The following RYR1 variants were observed in gnomAD, a reference collection of about 807,000 sequenced individuals.
The protein encoded by RYR1 is central core disease of muscle.
A neutral mutation model predicts 583.5 loss-of-function variants in RYR1; 342 were observed. The observed-to-expected ratio is 0.59, with a 90% CI of 0.54 to 0.64. RYR1 has a LOEUF of 0.64. Among genes scored for constraint, RYR1 ranks in the 30% least tolerant of loss-of-function variants. RYR1 has a pLI of 0.00. For synonymous variants in RYR1, 2,791 were observed against 2,822.5 expected (o/e 0.99, Z 0.35); for missense variants, 6,032 against 6,917.2 (o/e 0.87, Z 4.54).
At chr19:38,537,771 C>A in intron 83 of RYR1, 109 bp from the exon 84 acceptor site, 1 of 1,025,612 alleles carries the variant, frequency 9.8e-7, no homozygotes, top group South Asian at 1.3e-5. Flanking sequence ...CTCCCAGCAC[C>A]CCCATGCTTT....
In RYR1 at chr19:38,460,427, C is replaced by A. The variant is rs1479913270; in HGVS notation, c.2413C>A (p.Pro805Thr). The change falls in exon 20 of 106, where the codon CCT becomes ACT. Residue 805 changes from proline to threonine, a missense_variant. Pro to Thr is a conservative substitution (Grantham distance 38). This residue lies in a region of RYR1 where 2,627 missense variants were observed against 2,961.3 expected (regional missense o/e 0.89). Coordinates refer to ENST00000359596, the MANE Select transcript of RYR1 (RefSeq NM_000540.3). ...RHGEFKFLPP[P>T]GYAPCHEAVL... Reference sequence around the variant, plus strand: ...TGGTGAATTCAAGTTCCTGCCCCCACCTGGCTATGCTCCATGCCATGAGGC... The same window carrying A: ...TGGTGAATTCAAGTTCCTGCCCCCAACTGGCTATGCTCCATGCCATGAGGC... 1 of 1,614,248 alleles carries A rather than the reference C, an allele frequency of 6.2e-7. No homozygotes were observed. Among genetic ancestry groups the A allele is most frequent in the South Asian group, 1.1e-5 (1 of 91,088 alleles).
chr19:38,495,295 A>G (rs1429349117), intron 39 of RYR1, among the ~76,000 whole-genome samples: 2 of 152,156 alleles, frequency 1.3e-5, no homozygotes, highest in Non-Finnish European at 2.9e-5. Context: ...TCATTGTCAA[A>G]TAAATCTCAT....
chr19:38,502,621 ATCATGGTGGACTC>A lies in RYR1; in HGVS notation c.7731_7743del (p.Met2578CysfsTer164), dbSNP rs1270823103. On this transcript the variant is annotated frameshift_variant, in exon 48 of 106. Coordinates refer to ENST00000359596, the MANE Select transcript of RYR1 (RefSeq NM_000540.3). LOFTEE classifies it high-confidence loss of function. ...CTTTGCGGGCACAGAACACCGCGCC[ATCATGGTGGACTC>A]TATGCTGCATACCGTGTACCGCCTG... 1 of 1,612,636 alleles carries A rather than the reference ATCATGGTGGACTC, an allele frequency of 6.2e-7. No homozygotes were observed. The highest frequency in any genetic ancestry group is 8.5e-7 in the Non-Finnish European group (1 of 1,179,886).
intron 17 of RYR1, 31 bp downstream of exon 17, chr19:38,457,661 C>G: frequency 1.9e-6 from 3 of 1,609,108 alleles, no homozygotes; most frequent in Non-Finnish European, 2.6e-6. Flanking sequence ...CCCCAGAACT[C>G]AGAACCTCTC....
chr19:38,462,712 C>T (rs1031804627), intron 20 of RYR1, among the ~76,000 whole-genome samples: 4 of 152,102 alleles, frequency 2.6e-5, no homozygotes, highest in Non-Finnish European at 5.9e-5. Context: ...GAGACTCCTC[C>T]ATTCTTTTCA....
Position 38,499,983 on chromosome 19 carries a change from C to T in RYR1, c.7290C>T (p.Ile2430=), listed in dbSNP as rs752588287. Residue 2430 remains isoleucine, a synonymous_variant, in exon 45 of 106, where the codon ATC becomes ATT. Coordinates refer to ENST00000359596, the MANE Select transcript of RYR1 (RefSeq NM_000540.3). This position sits in a 1 kb window ranked among gnomAD's most constrained non-coding sequence, Gnocchi z 7.3. The part of the protein sequence containing the change: ...HAIMSFYAAL[I]DLLGRCAPEM... The stretch of plus-strand genomic sequence containing the variant: ...TCATGTCCTTCTATGCCGCCTTGAT[C>T]GACCTGCTCGGACGCTGTGCACCAG... 9.3e-6 allele frequency: 15 copies of T among 1,614,150 alleles called. No homozygotes were observed. The highest frequency in any genetic ancestry group is 3.3e-5 in the South Asian group (3 of 91,078).
At chr19:38,520,230 G>C (rs188936854) in intron 67 of RYR1, among the ~76,000 whole-genome samples, 41 of 151,476 alleles carry the variant, frequency 2.7e-4, no homozygotes, top group Admixed American at 2.5e-3. Context: ...ACACCAACAT[G>C]CTCGGCTAAT....
At chr19:38,529,537 A>G (rs1971638161) in intron 76 of RYR1, among the ~76,000 whole-genome samples, 1 of 152,220 alleles carries the variant, frequency 6.6e-6, no homozygotes, top group Non-Finnish European at 1.5e-5. Flanking sequence ...CAGCCAACAT[A>G]CACCGTTGCA....
rs181125547 is a variant in RYR1 at position 38,575,317 on chromosome 19, G to A, written c.14130-602G>A. On this transcript the variant is annotated intron_variant, in intron 96 of 105. Coordinates refer to ENST00000359596, the MANE Select transcript of RYR1 (RefSeq NM_000540.3). ...ATGCAAATTCTCTGCCTCATTTGGG[G>A]TCTAGCAAAGATGGCAGTGGGGTCC... Among the ~76,000 whole-genome samples, 932 of 152,198 alleles carry A rather than the reference G, an allele frequency of 6.1e-3. 6 individuals carry two copies. The highest frequency in any genetic ancestry group is 7.0e-3 in the Non-Finnish European group (478 of 68,016).
Position 38,494,624 on chromosome 19 carries a change from G to C in RYR1, c.6547G>C (p.Gly2183Arg), listed in dbSNP as rs774275648. Reference protein sequence around the residue: ...QEENLMIQSIGNIMNNKVFYQ... With the variant: ...QEENLMIQSIRNIMNNKVFYQ... Reference sequence around the variant, plus strand: ...GGAGAACCTCATGATCCAGAGCATCGGGTGAGACACCGCCCTTCCCCCTTA... The same window carrying C: ...GGAGAACCTCATGATCCAGAGCATCCGGTGAGACACCGCCCTTCCCCCTTA... The change falls in exon 39 of 106, where the codon GGG becomes CGG. Residue 2183 changes from glycine (G) to arginine (R), a missense_variant and splice_region_variant. Physicochemically the swap from Gly to Arg is moderately radical, Grantham distance 125. Transcript: ENST00000359596. The C allele has an allele frequency of 1.9e-6, 3 of 1,613,970 alleles. No individual in the cohort carries two copies. The highest frequency in any genetic ancestry group is 8.5e-7 in the Non-Finnish European group (1 of 1,180,014).
chr19:38,466,099 T>C lies in RYR1; in HGVS notation c.2879T>C (p.Met960Thr). The change falls in exon 24 of 106, where the codon ATG becomes ACG. Residue 960 changes from methionine to threonine, a missense_variant. Met to Thr is a moderately conservative substitution (Grantham distance 81). Around this residue, in one of 11 missense-constraint regions of RYR1, gnomAD observed 2,627 missense variants for 2,961.3 expected, o/e 0.89. Coordinates refer to ENST00000359596, the MANE Select transcript of RYR1 (RefSeq NM_000540.3). ...CCCTACCATGCCCGCAGGTATATGA[T>C]GAGCAATGGGTACAAGCCGGCTCCG... Reference protein sequence around the residue: ...KKTKLPKTYMMSNGYKPAPLD... With the variant: ...KKTKLPKTYMTSNGYKPAPLD... 1 of 1,610,196 alleles carries C rather than the reference T, an allele frequency of 6.2e-7. No homozygotes were observed. Among genetic ancestry groups the C allele is most frequent in the Non-Finnish European group, 8.5e-7 (1 of 1,178,588 alleles).
chr19:38,474,559 G>A (rs1474710731), intron 28 of RYR1, among the ~76,000 whole-genome samples: 1 of 144,984 alleles, frequency 6.9e-6, no homozygotes, highest in South Asian at 2.2e-4. Flanking sequence ...TACCACGCCC[G>A]GCTCCTTTTT....
At position 38,565,346 on chromosome 19, in the gene RYR1, G is replaced by C; in HGVS notation, c.13012G>C (p.Ala4338Pro). ...AATAVAALLWAAVTRAGAAGA... is the reference protein window; with the variant it reads ...AATAVAALLWPAVTRAGAAGA... ...CACCGCAGTGGCGGCGCTGCTCTGGGCAGCAGTGACGCGCGCTGGGGCCGC... is the reference window on the plus strand; with the variant it reads ...CACCGCAGTGGCGGCGCTGCTCTGGCCAGCAGTGACGCGCGCTGGGGCCGC... Residue 4338 changes from alanine to proline, a missense_variant, in exon 91 of 106, where the codon GCA (alanine) becomes CCA (proline). Transcript: ENST00000359596. The surrounding 1 kb of genome is among the most constrained non-coding windows in gnomAD (Gnocchi z 4.7). The C allele has an allele frequency of 7.8e-7, 1 of 1,290,036 alleles. No homozygotes were observed. The highest frequency in any genetic ancestry group is 9.7e-7 in the Non-Finnish European group (1 of 1,027,774). The allele number at this position is 1,290,036 out of a possible 1,614,324, so 79.9% of individuals were successfully genotyped here.
At chr19:38,581,999 C>T (rs1008006258) in intron 101 of RYR1, among the ~76,000 whole-genome samples, 7 of 152,178 alleles carry the variant, frequency 4.6e-5, no homozygotes, top group African/African-American at 1.4e-4. Flanking sequence ...GGGCAGGCTA[C>T]TCAACCTCCT....
At chr19:38,463,654 G>A in intron 21 of RYR1, 93 bp from the exon 22 acceptor site, 2 of 1,472,264 alleles carry the variant, frequency 1.4e-6, no homozygotes, top group African/African-American at 1.4e-5. Context: ...GAGGGTGGCA[G>A]AACTAGGGTT....
intron 29 of RYR1, among the ~76,000 whole-genome samples, chr19:38,476,247 G>A (rs1968719619): frequency 1.3e-5 from 2 of 152,062 alleles, no homozygotes; most frequent in South Asian, 4.1e-4. Context: ...CGCCCAGGCT[G>A]GAGTGCAGTG....
intron 89 of RYR1, among the ~76,000 whole-genome samples, chr19:38,549,864 C>T (rs1427247329): frequency 2.1e-5 from 3 of 144,916 alleles, no homozygotes; most frequent in African/African-American, 7.7e-5. Context: ...CACCACCATG[C>T]CCAGCTAAAT....
At chr19:38,472,790 C>A (rs1247438693) in intron 27 of RYR1, among the ~76,000 whole-genome samples, 1 of 143,058 alleles carries the variant, frequency 7.0e-6, no homozygotes, top group East Asian at 2.1e-4. Flanking sequence ...GAGCCAAGAT[C>A]ACACCATTGC....
intron 37 of RYR1, among the ~76,000 whole-genome samples, chr19:38,491,671 T>C (rs1969557965): frequency 6.6e-6 from 1 of 151,964 alleles, no homozygotes; most frequent in Non-Finnish European, 1.5e-5. Flanking sequence ...CTCAAGCAAT[T>C]TGCATGCCTG....
Sources: allele counts gnomAD v4.1 joint callset (sites outside exome capture counted in the v4.1 genomes callset), GRCh38; gene constraint gnomAD v4.1.1; regional missense constraint gnomAD v4.1.1; non-coding constraint Gnocchi (gnomAD v3.1); transcripts MANE v1.5; gene names NCBI Gene and HGNC (gene_info 2026-07-23, HGNC 2026-07-21).